Variants in ADK observed in about 807,000 individuals in gnomAD.
ADK encodes the protein adenosine kinase, also known as N6,N6-dimethyladenosine kinase.
A neutral mutation model predicts 44.7 loss-of-function variants in ADK; 24 were observed. The ratio of observed to expected loss-of-function variants is 0.54; its 90% confidence interval spans 0.39 to 0.76. The LOEUF is 0.76. Ranked by LOEUF, ADK falls within the 30% of genes least tolerant of loss-of-function variation. ADK has a pLI of 0.00. For synonymous variants in ADK, 128 were observed against 142.6 expected (o/e 0.90, Z 0.73); for missense variants, 321 against 425.1 (o/e 0.76, Z 2.15).
In ADK at chr10:74,394,578, A is replaced by ATAGCTTGCTCAATGCCTTG. The variant is rs551542446; in HGVS notation, c.446+278_446+296dup. ...TTATAATTAGAATCAGAAAAGGCTG[A>ATAGCTTGCTCAATGCCTTG]TAGCTTGCTCAATGCCTTGTAGCTT... On this transcript the variant is annotated intron_variant, in intron 5 of 10. Coordinates refer to ENST00000539909, the MANE Select transcript of ADK (RefSeq NM_006721.4). Among the ~76,000 whole-genome samples, 7 of 152,350 alleles carry ATAGCTTGCTCAATGCCTTG rather than the reference A, an allele frequency of 4.6e-5. No individual in the cohort carries two copies. The East Asian group carries it at 1.3e-3, about 29-fold the overall frequency.
intron 6 of ADK, among the ~76,000 whole-genome samples, chr10:74,465,416 G>A (rs971547059): frequency 3.3e-5 from 5 of 152,072 alleles, no homozygotes; most frequent in Non-Finnish European, 7.4e-5. Context: ...AGACTTTGTT[G>A]TTTTTGTTTT....
intron 9 of ADK, among the ~76,000 whole-genome samples, chr10:74,660,825 G>T (rs1379152930): frequency 6.6e-6 from 1 of 151,252 alleles, no homozygotes. Flanking sequence ...TGAGGTCAGG[G>T]GTTCGAGACC....
chr10:74,221,540 C>T (rs1411498678), intron 2 of ADK, among the ~76,000 whole-genome samples: 1 of 151,254 alleles, frequency 6.6e-6, no homozygotes, highest in African/African-American at 2.4e-5. Context: ...CATATGGAAC[C>T]AAAAAAGAGC....
intron 6 of ADK, among the ~76,000 whole-genome samples, chr10:74,517,919 C>T (rs1848657174): frequency 6.6e-6 from 1 of 151,988 alleles, no homozygotes; most frequent in Non-Finnish European, 1.5e-5. Context: ...CATATTATAA[C>T]ATTGTAATTA....
chr10:74,287,444 A>G (rs1191507061), intron 3 of ADK, among the ~76,000 whole-genome samples: 1 of 151,580 alleles, frequency 6.6e-6, no homozygotes, highest in Non-Finnish European at 1.5e-5. Flanking sequence ...AGCCTGGGTG[A>G]TAGAGTGAGA....
intron 4 of ADK, among the ~76,000 whole-genome samples, chr10:74,330,846 C>A (rs1045011345): frequency 3.9e-5 from 6 of 152,150 alleles, no homozygotes; most frequent in Non-Finnish European, 1.5e-5. Context: ...AGAACTGTTC[C>A]ACTAAGCTGC....
chr10:74,202,778 C>T (rs1843444983), intron 2 of ADK, among the ~76,000 whole-genome samples: 2 of 152,096 alleles, frequency 1.3e-5, no homozygotes, highest in Admixed American at 1.3e-4. Flanking sequence ...AATGTTGAAG[C>T]TCTTTGCCCA....
At chr10:74,504,383 G>A (rs1009625781) in intron 6 of ADK, among the ~76,000 whole-genome samples, 4 of 151,870 alleles carry the variant, frequency 2.6e-5, no homozygotes, top group African/African-American at 9.7e-5. Flanking sequence ...GAACAGTGCC[G>A]GGGGTTAGAG....
chr10:74,504,466 A>G (rs1038318286), intron 6 of ADK, among the ~76,000 whole-genome samples: 2 of 152,206 alleles, frequency 1.3e-5, no homozygotes, highest in African/African-American at 4.8e-5. Context: ...CTAAGAGCCT[A>G]CTGTTGACCA....
At chr10:74,590,461 C>G (rs568733817) in intron 8 of ADK, among the ~76,000 whole-genome samples, 1 of 152,184 alleles carries the variant, frequency 6.6e-6, no homozygotes, top group East Asian at 1.9e-4. Context: ...TTATTCATGT[C>G]ATCAGACTTG....
intron 4 of ADK, among the ~76,000 whole-genome samples, chr10:74,381,882 AGATGTTTACTGC>A (rs1373892016): frequency 2.0e-5 from 3 of 152,194 alleles, no homozygotes; most frequent in African/African-American, 7.2e-5. Flanking sequence ...GTTGTTGGGC[AGATGTTTACTGC>A]CTTGAGGGAT....
intron 9 of ADK, among the ~76,000 whole-genome samples, chr10:74,632,140 A>G (rs774500231): frequency 9.2e-5 from 14 of 152,160 alleles, no homozygotes; most frequent in Non-Finnish European, 1.9e-4. Context: ...TTAAGCAACG[A>G]TTAATCTACT....
chr10:74,449,702 A>C (rs1415270273), intron 6 of ADK, among the ~76,000 whole-genome samples: 1 of 152,204 alleles, frequency 6.6e-6, no homozygotes, highest in African/African-American at 2.4e-5. Flanking sequence ...TGTTAGAAGA[A>C]GTGGAACATG....
chr10:74,313,754 C>T (rs1359231938), intron 3 of ADK, among the ~76,000 whole-genome samples: 2 of 151,580 alleles, frequency 1.3e-5, no homozygotes, highest in Non-Finnish European at 2.9e-5. Flanking sequence ...TCTCTATTTT[C>T]CCTTTCTGTA....
intron 6 of ADK, among the ~76,000 whole-genome samples, chr10:74,517,910 A>G (rs1365061813): frequency 1.3e-5 from 2 of 152,132 alleles, no homozygotes; most frequent in Non-Finnish European, 2.9e-5. Context: ...GAAATACTGC[A>G]TATTATAACA....
At chr10:74,359,081 C>A (rs1464941464) in intron 4 of ADK, among the ~76,000 whole-genome samples, 1 of 151,984 alleles carries the variant, frequency 6.6e-6, no homozygotes, top group Non-Finnish European at 1.5e-5. Flanking sequence ...CAGGTCTTAA[C>A]ATTTAAGTCT....
chr10:74,269,953 A>G (rs534014008), intron 3 of ADK, among the ~76,000 whole-genome samples: 17 of 152,262 alleles, frequency 1.1e-4, no homozygotes, highest in African/African-American at 2.9e-4. Flanking sequence ...AGCCAAGGTC[A>G]TGCCACTCCA....
At chr10:74,305,340 A>G (rs1425329590) in intron 3 of ADK, among the ~76,000 whole-genome samples, 1 of 152,176 alleles carries the variant, frequency 6.6e-6, no homozygotes, top group Non-Finnish European at 1.5e-5. Context: ...CCATTGAGGA[A>G]TGTTGCCTAC....
At chr10:74,445,394 T>C (rs1845558677) in intron 6 of ADK, among the ~76,000 whole-genome samples, 1 of 152,014 alleles carries the variant, frequency 6.6e-6, no homozygotes, top group Non-Finnish European at 1.5e-5. Context: ...TGGCAATTAT[T>C]ATATCATTTT....
Sources: gnomAD v4.1 joint callset for allele counts (sites outside exome capture counted in the v4.1 genomes callset) on GRCh38, gnomAD v4.1.1 for gene constraint, MANE v1.5 for transcripts, NCBI Gene and HGNC (gene_info 2026-07-23, HGNC 2026-07-21) for gene names.